NAP1L1: variants seen among roughly 807,000 people sequenced by gnomAD.
NAP1L1 encodes nucleosome assembly protein 1-like 1.
NAP1L1 carries 9 observed loss-of-function variants against 58.9 expected under a neutral mutation model. The ratio of observed to expected loss-of-function variants is 0.15; its 90% CI spans 0.09 to 0.27. NAP1L1 has a LOEUF of 0.27. NAP1L1 is among the 10% of genes least tolerant of loss of function. The pLI is 1.00. For missense variants in NAP1L1, 302 were observed against 458.8 expected (o/e 0.66, Z 3.12); for synonymous variants, 130 against 138.3 (o/e 0.94, Z 0.42).
At chr12:76,083,265 C>A (rs938632857) in intron 1 of NAP1L1, among the ~76,000 whole-genome samples, 3 of 152,078 alleles carry the variant, frequency 2.0e-5, no homozygotes, top group African/African-American at 2.4e-5. Flanking sequence ...AAAAAGGAAA[C>A]CGTTAAGTAT....
At position 76,039,943 on chromosome 12, in the gene NAP1L1, A is replaced by C. The variant is rs1430476257; in HGVS notation, c.*8486T>G. On this transcript the variant is annotated 3_prime_UTR_variant, in exon 15 of 15. Coordinates refer to ENST00000618691, the MANE Select transcript of NAP1L1 (RefSeq NM_004537.7). ...TCTCGAAACCTCTCAGTCTAGTTAC[A>C]TTATACCCAACTTTTGAAAACACGT... 1 of 152,230 alleles carries C rather than the reference A, an allele frequency of 6.6e-6. No homozygotes were observed. Among genetic ancestry groups the C allele is most frequent in the African/African-American group, 2.4e-5 (1 of 41,448 alleles). The allele number at this position is 152,230 out of a possible 1,614,324, so 9.4% of individuals were successfully genotyped here. A position where few individuals can be genotyped will look rare whatever the true frequency, so the allele number is the denominator to read the frequency against.
chr12:76,061,816 T>C (rs181629926), intron 4 of NAP1L1, among the ~76,000 whole-genome samples: 38 of 152,330 alleles, frequency 2.5e-4, no homozygotes, highest in Non-Finnish European at 8.8e-5. Context: ...CAACTTTCTA[T>C]TTCTGTTAAT....
rs1226768967 is a variant in NAP1L1 at position 76,042,843 on chromosome 12, C to T, written c.*5586G>A. On this transcript the variant is annotated 3_prime_UTR_variant, in exon 15 of 15. Transcript: ENST00000618691. ...CCCATTCCAGGGCTGAAATAGAAAA[C>T]GCCTGTAAGACTAGAAAACTTTTTG... 2.6e-5 allele frequency: 4 copies of T among 152,226 alleles called. No homozygotes were observed. The highest frequency in any genetic ancestry group is 6.5e-5 in the Admixed American group (1 of 15,302). The allele number at this position is 152,226 out of a possible 1,614,324, so 9.4% of individuals were successfully genotyped here. A position where few individuals can be genotyped will look rare whatever the true frequency, so the allele number is the denominator to read the frequency against.
At position 76,053,260 on chromosome 12, in the gene NAP1L1, A is replaced by C. The variant is rs1301795107; in HGVS notation, c.861T>G (p.Thr287=). The change falls in exon 10 of 15, where the codon ACT becomes ACG. Residue 287 remains threonine (T), a synonymous_variant. Transcript: ENST00000618691. ...QKHKGRGTVR[T]VTKTVSNDSF... The stretch of plus-strand genomic sequence containing the variant: ...AGTCATTGGAAACTGTTTTAGTCAC[A>C]GTACGAACTGTCCCACGTCCCTTGT... 1.9e-6 allele frequency: 3 copies of C among 1,613,958 alleles called. No individual in the cohort carries two copies. Among genetic ancestry groups the C allele is most frequent in the Non-Finnish European group, 2.5e-6 (3 of 1,179,964 alleles).
intron 1 of NAP1L1, among the ~76,000 whole-genome samples, chr12:76,082,279 C>A (rs1025030110): frequency 1.3e-5 from 2 of 152,180 alleles, no homozygotes; most frequent in East Asian, 1.9e-4. Flanking sequence ...TTAGAATCAA[C>A]TCAGTTTTAC....
At chr12:76,061,070 G>A in intron 4 of NAP1L1, 1 of 436,990 alleles carries the variant, frequency 2.3e-6, no homozygotes, top group Non-Finnish European at 4.6e-6. Context: ...ACTCCAGCCT[G>A]GCTGACAGAA....
At position 76,067,485 on chromosome 12, in the gene NAP1L1, A is replaced by G; in HGVS notation, c.104-12T>C. On this transcript the variant is annotated splice_polypyrimidine_tract_variant and intron_variant, in intron 3 of 14. Transcript: ENST00000618691. ...AGTTAGCTGACGTGCTTTAAAAAAAAAAGGGCATCGAAAGAAGGATTTTAT... is the reference window on the plus strand; with the variant it reads ...AGTTAGCTGACGTGCTTTAAAAAAAGAAGGGCATCGAAAGAAGGATTTTAT... The G allele has an allele frequency of 6.3e-7, 1 of 1,579,704 alleles. No homozygotes were observed. Among genetic ancestry groups the G allele is most frequent in the Non-Finnish European group, 8.6e-7 (1 of 1,159,162 alleles).
rs1310374154 is a variant in NAP1L1, at chr12:76,038,242, C to T, written c.*10187G>A. 6.6e-6 allele frequency: 1 copy of T among 152,204 alleles called. No homozygotes were observed. Among genetic ancestry groups the T allele is most frequent in the East Asian group, 1.9e-4 (1 of 5,200 alleles). 9.4% of individuals were successfully genotyped at this position (152,204 alleles called of 1,614,324 possible). A position where few individuals can be genotyped will look rare whatever the true frequency, so the allele number is the denominator to read the frequency against. On this transcript the variant is annotated 3_prime_UTR_variant, in exon 15 of 15. Transcript: ENST00000618691. ...CTGTCCCCACTGAAGAGCCCAAGAA[C>T]ACCTACCACCTTTCCTAAGTATGCT...
chr12:76,056,398 TAA>T, intron 6 of NAP1L1: 12 of 385,104 alleles, frequency 3.1e-5, no homozygotes, highest in Non-Finnish European at 4.3e-5. Flanking sequence ...ACCATTTTAG[TAA>T]AAAAAAAATG....
At chr12:76,065,335 T>C (rs1473464765) in intron 4 of NAP1L1, among the ~76,000 whole-genome samples, 1 of 151,464 alleles carries the variant, frequency 6.6e-6, no homozygotes, top group Non-Finnish European at 1.5e-5. Context: ...TGAATAGAAA[T>C]AAGACAAAGA....
chr12:76,050,717 T>G, intron 11 of NAP1L1, 64 bp from the exon 12 acceptor site: 8 of 1,543,040 alleles, frequency 5.2e-6, no homozygotes, highest in Non-Finnish European at 6.1e-6. Flanking sequence ...ATTTGGCACA[T>G]GTAAGACTCT....
Position 76,038,773 on chromosome 12 carries a change from G to A in NAP1L1, c.*9656C>T, listed in dbSNP as rs1292024547. 6.6e-6 allele frequency: 1 copy of A among 152,102 alleles called. No homozygotes were observed. Among genetic ancestry groups the A allele is most frequent in the African/African-American group, 2.4e-5 (1 of 41,412 alleles). 9.4% of individuals were successfully genotyped at this position (152,102 alleles called of 1,614,324 possible). The stretch of plus-strand genomic sequence containing the variant: ...GTTGCCACTAAACCTACCAGAAAAA[G>A]AAATCCCATTAGAACCGCCCCCATC... On this transcript the variant is annotated 3_prime_UTR_variant, in exon 15 of 15. Transcript: ENST00000618691.
chr12:76,059,736 T>C, intron 6 of NAP1L1, 62 bp downstream of exon 6: 1 of 1,194,768 alleles, frequency 8.4e-7, no homozygotes, highest in South Asian at 1.3e-5. Flanking sequence ...AATGCTAACA[T>C]TTCTGACAAG....
intron 4 of NAP1L1, chr12:76,060,863 C>T: frequency 4.5e-6 from 1 of 220,548 alleles, no homozygotes; most frequent in South Asian, 5.0e-5. Flanking sequence ...GAAGCCGAGG[C>T]AGGTGGATTC....
chr12:76,074,784 T>G lies in NAP1L1; in HGVS notation c.-20-545A>C, dbSNP rs143900392. Among the ~76,000 whole-genome samples, 572 of 152,344 alleles carry G rather than the reference T, an allele frequency of 3.8e-3. 7 individuals carry two copies. Among genetic ancestry groups the G allele is most frequent in the African/African-American group, 0.013 (549 of 41,584 alleles). On this transcript the variant is annotated intron_variant, in intron 1 of 14. Transcript: ENST00000618691. ...TAAAAGACTTAATCCCTGGATCAAA[T>G]AGCCATTTAGACTATTTCAAAAGCT... is the stretch of plus-strand genomic sequence containing the variant.
chr12:76,042,092 G>A lies in NAP1L1; in HGVS notation c.*6337C>T, dbSNP rs999919227. On this transcript the variant is annotated 3_prime_UTR_variant, in exon 15 of 15. Coordinates refer to ENST00000618691, the MANE Select transcript of NAP1L1 (RefSeq NM_004537.7). ...TTTTTACACATAAAATCTTCAAAAC[G>A]AGGCATATGTTTAATTTTATTATCC... The A allele has an allele frequency of 2.6e-5, 4 of 151,788 alleles. No homozygotes were observed. Among genetic ancestry groups the A allele is most frequent in the African/African-American group, 4.8e-5 (2 of 41,268 alleles). The allele number at this position is 151,788 out of a possible 1,614,324, so 9.4% of individuals were successfully genotyped here.
Position 76,040,871 on chromosome 12 carries a change from T to C in NAP1L1, c.*7558A>G, listed in dbSNP as rs1269334444. On this transcript the variant is annotated 3_prime_UTR_variant, in exon 15 of 15. Coordinates refer to ENST00000618691, the MANE Select transcript of NAP1L1 (RefSeq NM_004537.7). The stretch of plus-strand genomic sequence containing the variant: ...AGCCACCACACCTGGCCATAATATA[T>C]TTCCGATTGCTTAACATTTTCTCTA... 6.6e-6 allele frequency: 1 copy of C among 152,234 alleles called. No homozygotes were observed. The highest frequency in any genetic ancestry group is 2.4e-5 in the African/African-American group (1 of 41,462). 9.4% of individuals were successfully genotyped at this position (152,234 alleles called of 1,614,324 possible).
intron 2 of NAP1L1, among the ~76,000 whole-genome samples, chr12:76,073,097 C>T (rs185574947): frequency 5.3e-5 from 8 of 151,812 alleles, no homozygotes; most frequent in Non-Finnish European, 8.8e-5. Flanking sequence ...TTAAAAATGC[C>T]GTTTCCACTC....
chr12:76,056,467 T>C (rs1402020421), intron 6 of NAP1L1: 1 of 350,548 alleles, frequency 2.9e-6, no homozygotes. Flanking sequence ...GCAACAGAAA[T>C]ACTAATTTGG....
Sources: allele counts gnomAD v4.1 joint callset (sites outside exome capture counted in the v4.1 genomes callset), GRCh38; gene constraint gnomAD v4.1.1; transcripts MANE v1.5; gene names NCBI Gene and HGNC (gene_info 2026-07-23, HGNC 2026-07-21).